RABGAP1: variants seen among roughly 807,000 people sequenced by gnomAD.
RABGAP1 encodes RAB GTPase activating protein 1.
A neutral mutation model predicts 137.6 loss-of-function variants in RABGAP1; 23 were observed. The ratio of observed to expected loss-of-function variants is 0.17; its 90% CI spans 0.12 to 0.24. RABGAP1 has a LOEUF of 0.24. RABGAP1 is among the 10% of genes least tolerant of loss of function. The pLI is 1.00. For missense variants in RABGAP1, 906 were observed against 1,275.8 expected, an observed-to-expected ratio of 0.71 and a Z score of 4.42; for synonymous variants, 451 against 450.7, an observed-to-expected ratio of 1.00 and a Z score of -0.01.
chr9:122,991,769 A>ATTT (rs1363981325), intron 6 of RABGAP1, among the ~76,000 whole-genome samples: 2 of 150,984 alleles, frequency 1.3e-5, no homozygotes, highest in Admixed American at 1.3e-4. Flanking sequence ...TGTCTGGCTA[A>ATTT]TTTTTTTTTA....
chr9:123,034,633 G>C (rs2032510387), intron 13 of RABGAP1: 1 of 1,613,772 alleles, frequency 6.2e-7, no homozygotes, highest in South Asian at 1.1e-5. Context: ...TGGCTATTTG[G>C]AAACTGTCAA....
At chr9:123,094,693 C>G (rs1437697162) in intron 21 of RABGAP1, among the ~76,000 whole-genome samples, 4 of 152,046 alleles carry the variant, frequency 2.6e-5, no homozygotes, top group Non-Finnish European at 5.9e-5. Flanking sequence ...CTCTTGTTTT[C>G]TTGAGGACTT....
intron 24 of RABGAP1, among the ~76,000 whole-genome samples, chr9:123,100,383 A>ATGTGTGTGTGTGTGTGTGTGTGTG: frequency 7.3e-6 from 1 of 136,572 alleles, no homozygotes; most frequent in East Asian, 2.3e-4. Context: ...GTTTAACCAG[A>ATGTGTGTGTGTGTGTGTGTGTGTG]TGTGTGTGTG....
chr9:122,968,835 G>A (rs1287108388), intron 2 of RABGAP1, among the ~76,000 whole-genome samples: 3 of 152,018 alleles, frequency 2.0e-5, no homozygotes, highest in Non-Finnish European at 2.9e-5. Flanking sequence ...GGCTGGTCTC[G>A]AACTCCTGAC....
chr9:123,089,471 T>C (rs1375858492), intron 19 of RABGAP1: 1 of 302,854 alleles, frequency 3.3e-6, no homozygotes, highest in Non-Finnish European at 6.2e-6. Context: ...TAGGGACAAA[T>C]AGGACCCAGA....
chr9:122,996,696 G>A, intron 8 of RABGAP1, 91 bp downstream of exon 8: 2 of 1,053,046 alleles, frequency 1.9e-6, no homozygotes, highest in Non-Finnish European at 2.8e-6. Context: ...GTTAAAACAT[G>A]TTTAAGAAGG....
intron 10 of RABGAP1, among the ~76,000 whole-genome samples, chr9:123,000,397 A>G (rs532219744): frequency 6.6e-6 from 1 of 152,032 alleles, no homozygotes; most frequent in East Asian, 1.9e-4. Flanking sequence ...TTCCATTTTT[A>G]CTTTCCTTTG....
At chr9:122,951,031 A>C (rs895930434) in intron 1 of RABGAP1, among the ~76,000 whole-genome samples, 1 of 152,162 alleles carries the variant, frequency 6.6e-6, no homozygotes, top group Non-Finnish European at 1.5e-5. Context: ...TGTAGTATTG[A>C]TGGTTTTTAA....
At chr9:123,034,851 A>G (rs755301688) in intron 13 of RABGAP1, 5 of 1,614,006 alleles carry the variant, frequency 3.1e-6, no homozygotes, top group East Asian at 2.2e-5. Flanking sequence ...ACCCCCTTCC[A>G]GTAGAGGAGT....
At chr9:123,031,055 G>A (rs1357112668) in intron 13 of RABGAP1, among the ~76,000 whole-genome samples, 3 of 152,022 alleles carry the variant, frequency 2.0e-5, no homozygotes, top group Non-Finnish European at 4.4e-5. Flanking sequence ...ACTAATGGCA[G>A]TAATGTAACA....
chr9:122,997,046 A>G (rs1837058328), intron 8 of RABGAP1: 3 of 586,130 alleles, frequency 5.1e-6, no homozygotes, highest in Admixed American at 5.7e-5. Context: ...ATGTGTATAC[A>G]ATTTGATATT....
chr9:122,996,335 G>A (rs562137101), intron 7 of RABGAP1, 184 bp downstream of exon 7: 72 of 1,202,730 alleles, frequency 6.0e-5, no homozygotes, highest in Middle Eastern at 2.9e-4. Flanking sequence ...CAGCTAATAC[G>A]CTCTCTTCAA....
intron 2 of RABGAP1, among the ~76,000 whole-genome samples, chr9:122,971,447 A>T (rs1835469234): frequency 6.6e-6 from 1 of 152,226 alleles, no homozygotes; most frequent in Non-Finnish European, 1.5e-5. Context: ...TTACAAATAT[A>T]TACAAAGAAT....
chr9:123,090,075 A>C (rs1371907115), intron 20 of RABGAP1, among the ~76,000 whole-genome samples, 200 bp from the exon 21 acceptor site: 1 of 152,232 alleles, frequency 6.6e-6, no homozygotes, highest in Non-Finnish European at 1.5e-5. Context: ...TAGGTGCTTG[A>C]CAAAGTCACT....
chr9:122,993,725 G>T (rs867574764), intron 6 of RABGAP1, among the ~76,000 whole-genome samples: 1 of 152,148 alleles, frequency 6.6e-6, no homozygotes, highest in African/African-American at 2.4e-5. Flanking sequence ...GTACAGTGGC[G>T]CAGTCTCGGC....
chr9:123,089,892 T>A, intron 20 of RABGAP1, 42 bp downstream of exon 20: 1 of 1,504,700 alleles, frequency 6.6e-7, no homozygotes, highest in Non-Finnish European at 9.2e-7. Flanking sequence ...CTCCCATGCT[T>A]TCATTTCATA....
intron 17 of RABGAP1, 96 bp downstream of exon 17, chr9:123,074,524 T>G (rs2034455038): frequency 7.6e-7 from 1 of 1,323,154 alleles, no homozygotes; most frequent in East Asian, 2.4e-5. Flanking sequence ...AAAACAGAAT[T>G]GGTCTCTTTA....
chr9:122,989,196 T>G, intron 4 of RABGAP1, 101 bp from the exon 5 acceptor site: 4 of 1,085,120 alleles, frequency 3.7e-6, no homozygotes, highest in Non-Finnish European at 5.5e-6. Context: ...ACCAAATATA[T>G]GATCTTCTTA....
chr9:122,938,332 T>G (rs1833423394), upstream of RABGAP1: 2 of 152,228 alleles, frequency 1.3e-5, no homozygotes, highest in Admixed American at 1.3e-4. Context: ...TAGAGTGAAC[T>G]TCAGTTTCCT....
Sources: gnomAD v4.1 joint callset for allele counts (sites outside exome capture counted in the v4.1 genomes callset) on GRCh38, gnomAD v4.1.1 for gene constraint, MANE v1.5 for transcripts, NCBI Gene and HGNC (gene_info 2026-07-23, HGNC 2026-07-21) for gene names.